Variants in PCDHA9 observed in about 807,000 individuals in gnomAD.
PCDHA9 encodes protocadherin alpha 9.
PCDHA9 carries 62 observed loss-of-function variants against 62.0 expected under a neutral mutation model. The ratio of observed to expected loss-of-function variants is 1.00; its 90% confidence interval spans 0.81 to 1.23. The LOEUF (loss-of-function observed/expected upper bound fraction) is 1.23, where lower values mean the gene tolerates loss of function less well. Among genes scored for constraint, PCDHA9 ranks in the 50% most tolerant of loss-of-function variants. PCDHA9 has a pLI of 0.00. For missense variants in PCDHA9, 1,205 were observed against 1,249.8 expected (o/e 0.96, Z 0.54); for synonymous variants, 557 against 567.6 (o/e 0.98, Z 0.27).
At chr5:140,999,400 A>G (rs1331954466) in intron 3 of PCDHA9, among the ~76,000 whole-genome samples, 2 of 152,150 alleles carry the variant, frequency 1.3e-5, no homozygotes, top group Admixed American at 6.5e-5. Flanking sequence ...TGTTTTGCAT[A>G]TGAAAGAATG....
chr5:140,869,522 T>A, intron 1 of PCDHA9: 1 of 1,614,172 alleles, frequency 6.2e-7, no homozygotes, highest in Non-Finnish European at 8.5e-7. Context: ...GAACAAAAGC[T>A]GCTGATTGCG....
intron 1 of PCDHA9, among the ~76,000 whole-genome samples, chr5:140,904,500 T>C (rs1454204932): frequency 6.6e-6 from 1 of 151,976 alleles, no homozygotes; most frequent in African/African-American, 2.4e-5. Flanking sequence ...ATTTTTACAA[T>C]TGTGAATTGT....
At chr5:140,912,922 G>A (rs1554195623) in intron 1 of PCDHA9, among the ~76,000 whole-genome samples, 3 of 152,210 alleles carry the variant, frequency 2.0e-5, no homozygotes, top group African/African-American at 7.2e-5. Context: ...ATTTGTGTAT[G>A]TTGAATCATC....
At chr5:140,967,844 G>A in intron 1 of PCDHA9, 1 of 1,614,178 alleles carries the variant, frequency 6.2e-7, no homozygotes, top group Non-Finnish European at 8.5e-7. Flanking sequence ...GGACGTGAAT[G>A]ACAATGCCCC....
chr5:140,907,083 G>T (rs770380704), intron 1 of PCDHA9, among the ~76,000 whole-genome samples: 56 of 152,144 alleles, frequency 3.7e-4, no homozygotes, highest in Non-Finnish European at 7.1e-4. Context: ...AGGGGTGATG[G>T]TAAGTGGTGC....
intron 1 of PCDHA9, chr5:140,856,360 C>G: frequency 6.3e-7 from 1 of 1,598,550 alleles, no homozygotes; most frequent in Non-Finnish European, 8.6e-7. Flanking sequence ...GCAGCATCCA[C>G]CTGGAGGTGA....
chr5:140,949,075 C>G (rs1459435331), intron 1 of PCDHA9, among the ~76,000 whole-genome samples: 1 of 151,470 alleles, frequency 6.6e-6, no homozygotes, highest in Non-Finnish European at 1.5e-5. Flanking sequence ...ACTCTTTCAC[C>G]CATTTATTAC....
rs140727388 is a variant in PCDHA9, at chr5:140,974,245, C to G, written c.2395-4704C>G. Among the ~76,000 whole-genome samples, 191 of 152,268 alleles carry G rather than the reference C, an allele frequency of 1.3e-3. 1 individual carries two copies. The highest frequency in any genetic ancestry group is 4.3e-3 in the African/African-American group (179 of 41,572). Reference sequence around the variant, plus strand: ...ATCTTAGTTCCTTGGCATATAAGCACCATCAGTTCCTTTCTGGCCTTCCAG... The same window carrying G: ...ATCTTAGTTCCTTGGCATATAAGCAGCATCAGTTCCTTTCTGGCCTTCCAG... On this transcript the variant is annotated intron_variant, in intron 1 of 3. Transcript: ENST00000532602.
At chr5:140,875,504 C>G (rs1554167711) in intron 1 of PCDHA9, 2 of 1,613,462 alleles carry the variant, frequency 1.2e-6, no homozygotes, top group African/African-American at 2.7e-5. Context: ...GGCCCGGGAT[C>G]CCAGCGTCTG....
intron 1 of PCDHA9, among the ~76,000 whole-genome samples, chr5:140,918,479 G>T (rs895821639): frequency 1.3e-5 from 2 of 152,092 alleles, no homozygotes; most frequent in Non-Finnish European, 2.9e-5. Flanking sequence ...AGTCTCAAGG[G>T]GAATGCTTTG....
intron 1 of PCDHA9, chr5:140,869,581 G>A: frequency 1.9e-6 from 3 of 1,614,134 alleles, no homozygotes; most frequent in East Asian, 2.2e-5. Flanking sequence ...AGCTTCTGAT[G>A]CTGACATTGA....
chr5:140,961,571 A>AT (rs2095622432), intron 1 of PCDHA9, among the ~76,000 whole-genome samples: 1 of 152,076 alleles, frequency 6.6e-6, no homozygotes. Flanking sequence ...TTTTGTTTTG[A>AT]TAAGCATTTA....
At chr5:140,880,420 A>C (rs1554171279) in intron 1 of PCDHA9, among the ~76,000 whole-genome samples, 2 of 152,230 alleles carry the variant, frequency 1.3e-5, no homozygotes, top group Non-Finnish European at 2.9e-5. Context: ...TAAAAGCGGG[A>C]ACAGTTTTTC....
chr5:140,855,468 T>C (rs1160317208), intron 1 of PCDHA9, among the ~76,000 whole-genome samples: 1 of 149,888 alleles, frequency 6.7e-6, no homozygotes, highest in Non-Finnish European at 1.5e-5. Context: ...TCACAGATAG[T>C]TGATGCTTGA....
In PCDHA9 at chr5:140,985,961, A is replaced by G. The variant is rs529433053; in HGVS notation, c.2542+3398A>G. ...TCACTGTGTTAGCCAGGATGGTCTCAATCTCCTGACCTCGTGATCCGCCCA... is the reference window on the plus strand; with the variant it reads ...TCACTGTGTTAGCCAGGATGGTCTCGATCTCCTGACCTCGTGATCCGCCCA... On this transcript the variant is annotated intron_variant, in intron 3 of 3. Transcript: ENST00000532602. 9.3e-3 allele frequency among the ~76,000 whole-genome samples: 1,411 copies of G among 151,982 alleles called. 12 individuals carry two copies. Among genetic ancestry groups the G allele is most frequent in the Non-Finnish European group, 0.015 (1,024 of 67,944 alleles).
At chr5:140,967,174 G>A (rs1554229282) in intron 1 of PCDHA9, 1 of 1,611,892 alleles carries the variant, frequency 6.2e-7, no homozygotes, top group Non-Finnish European at 8.5e-7. Flanking sequence ...CCGTTGAGGT[G>A]GAAATATTGG....
chr5:140,872,286 G>C (rs145153656), intron 1 of PCDHA9, among the ~76,000 whole-genome samples: 7 of 151,974 alleles, frequency 4.6e-5, no homozygotes, highest in Admixed American at 1.3e-4. Flanking sequence ...AAAAAGTTAA[G>C]CCTTGCATTC....
chr5:140,863,407 C>A (rs1343146552), intron 1 of PCDHA9: 4 of 788,794 alleles, frequency 5.1e-6, no homozygotes, highest in African/African-American at 1.7e-5. Flanking sequence ...CAAGCCCACG[C>A]TGGTGTACCG....
At chr5:140,883,615 C>T (rs1554178913) in intron 1 of PCDHA9, 6 of 1,613,938 alleles carry the variant, frequency 3.7e-6, no homozygotes, top group African/African-American at 1.3e-5. Context: ...CCGACGTGAA[C>T]GACAACGCGC....
Sources: allele counts gnomAD v4.1 joint callset (sites outside exome capture counted in the v4.1 genomes callset), GRCh38; gene constraint gnomAD v4.1.1; transcripts MANE v1.5; gene names NCBI Gene and HGNC (gene_info 2026-07-23, HGNC 2026-07-21).